The following SCARB2 variants were observed in gnomAD, a reference collection of about 807,000 sequenced individuals.
SCARB2 encodes the protein lysosome membrane protein 2.
A neutral mutation model predicts 58.6 loss-of-function variants in SCARB2; 29 were observed. That is an observed-to-expected ratio of 0.49 (90% CI 0.37 to 0.67). The LOEUF is 0.67. SCARB2 is among the 30% of genes least tolerant of loss of function. The pLI, the probability that SCARB2 is intolerant of heterozygous loss-of-function variation, is 0.00. For missense variants in SCARB2, 488 were observed against 578.5 expected (o/e 0.84, Z 1.60); for synonymous variants, 195 against 210.1 (o/e 0.93, Z 0.62).
At chr4:76,199,489 T>C (rs1732784682) in intron 1 of SCARB2, among the ~76,000 whole-genome samples, 1 of 152,240 alleles carries the variant, frequency 6.6e-6, no homozygotes, top group Admixed American at 6.5e-5. Context: ...CAAGAAAAAG[T>C]GCATCAGAGA....
rs899699170 is a variant in SCARB2 at position 76,175,920 on chromosome 4, A to G, written c.705-10T>C. 5 of 1,613,294 alleles carry G rather than the reference A, an allele frequency of 3.1e-6. No individual in the cohort carries two copies. The African/African-American group carries it at 5.3e-5, about 17-fold the overall frequency. On this transcript the variant is annotated splice_polypyrimidine_tract_variant and intron_variant, in intron 5 of 11. Transcript: ENST00000264896. ...CCACCAGTCAAGTGACCTATAATTGATAAGCACAAGAAAGAGTAAAGATGA... is the reference window on the plus strand; with the variant it reads ...CCACCAGTCAAGTGACCTATAATTGGTAAGCACAAGAAAGAGTAAAGATGA...
intron 1 of SCARB2, 70 bp downstream of exon 1, chr4:76,213,357 G>C: frequency 2.9e-6 from 3 of 1,048,984 alleles, no homozygotes; most frequent in South Asian, 1.3e-5. Context: ...TCCCATACAA[G>C]ATGTAGCAGC....
rs552500655 is a variant in SCARB2, at chr4:76,175,573, C to G, written c.824+218G>C. ...GTTAAGTAATTTGCCCAAGGTCACA[C>G]AGCTATAAGTGGTAGAGCCAAGATT... is the stretch of plus-strand genomic sequence containing the variant. On this transcript the variant is annotated intron_variant, in intron 6 of 11. Coordinates refer to ENST00000264896, the MANE Select transcript of SCARB2 (RefSeq NM_005506.4). 1.7e-4 allele frequency: 99 copies of G among 580,258 alleles called. No homozygotes were observed. In the African/African-American group the frequency reaches 1.8e-3, roughly 10 times the overall value. 35.9% of individuals were successfully genotyped at this position (580,258 alleles called of 1,614,324 possible).
Position 76,161,680 on chromosome 4 carries a change from T to A in SCARB2, c.*33A>T. ...ACGTCATCGTCCAGGTCAGGACAGC[T>A]CACACAGTTTCTTCACCAAGCAAAG... On this transcript the variant is annotated 3_prime_UTR_variant, in exon 12 of 12. Coordinates refer to ENST00000264896, the MANE Select transcript of SCARB2 (RefSeq NM_005506.4). 1.2e-6 allele frequency: 2 copies of A among 1,612,840 alleles called. No homozygotes were observed. Among genetic ancestry groups the A allele is most frequent in the Non-Finnish European group, 1.7e-6 (2 of 1,178,838 alleles).
chr4:76,231,892 T>C (rs1390774549), intron 1 of SCARB2, among the ~76,000 whole-genome samples: 1 of 152,224 alleles, frequency 6.6e-6, no homozygotes. Context: ...TGGGATTTTA[T>C]TGGCGCTGCA....
intron 1 of SCARB2, among the ~76,000 whole-genome samples, chr4:76,212,715 G>T (rs1365544287): frequency 6.6e-6 from 1 of 152,164 alleles, no homozygotes. Flanking sequence ...CTTCTTAAAG[G>T]ACTGGCTCTC....
intron 1 of SCARB2, among the ~76,000 whole-genome samples, chr4:76,211,854 T>C (rs1733054026): frequency 6.6e-6 from 1 of 152,232 alleles, no homozygotes; most frequent in African/African-American, 2.4e-5. Flanking sequence ...TTAGCTGGGA[T>C]TGAGCAGCTC....
rs1366282692 is a variant in SCARB2 at position 76,160,352 on chromosome 4, T to G, written c.*1361A>C. ...AGGCTTCTCAATTCAAAATGAATGCTGAACTTTGAGAATCAAAGAAAATGC... is the reference window on the plus strand; with the variant it reads ...AGGCTTCTCAATTCAAAATGAATGCGGAACTTTGAGAATCAAAGAAAATGC... On this transcript the variant is annotated 3_prime_UTR_variant, in exon 12 of 12. Transcript: ENST00000264896. The G allele has an allele frequency of 6.6e-6, 1 of 152,216 alleles. No individual in the cohort carries two copies. The highest frequency in any genetic ancestry group is 1.5e-5 in the Non-Finnish European group (1 of 68,034). 9.4% of individuals were successfully genotyped at this position (152,216 alleles called of 1,614,324 possible). A position where few individuals can be genotyped will look rare whatever the true frequency, so the allele number is the denominator to read the frequency against.
chr4:76,233,919 T>C (rs934264891), intron 1 of SCARB2, among the ~76,000 whole-genome samples: 2 of 152,218 alleles, frequency 1.3e-5, no homozygotes, highest in African/African-American at 4.8e-5. Flanking sequence ...TAAAAGTTAC[T>C]ACTGATGGGG....
chr4:76,165,992 G>A (rs753084593), intron 10 of SCARB2: 14 of 571,048 alleles, frequency 2.5e-5, no homozygotes, highest in South Asian at 6.2e-5. Flanking sequence ...TGTTTCCTAC[G>A]TGAGCAGCTC....
upstream of SCARB2, chr4:76,217,649 C>T (rs1223177519): frequency 4.6e-6 from 3 of 653,852 alleles, no homozygotes; most frequent in African/African-American, 3.6e-5. Context: ...GCCTGCAGAA[C>T]CATGAGCCAA....
intron 1 of SCARB2, among the ~76,000 whole-genome samples, chr4:76,198,223 C>A (rs1732754255): frequency 6.6e-6 from 1 of 152,318 alleles, no homozygotes; most frequent in East Asian, 1.9e-4. Context: ...GACTTGAGAT[C>A]TCATTTATTT....
At chr4:76,162,174 G>A (rs998561749) in intron 11 of SCARB2, 4 of 200,626 alleles carry the variant, frequency 2.0e-5, no homozygotes, top group Non-Finnish European at 3.1e-5. Flanking sequence ...TTGTGCTTAA[G>A]ACAATTTCAA....
intron 1 of SCARB2, among the ~76,000 whole-genome samples, chr4:76,224,483 A>C (rs995486345): frequency 6.6e-6 from 1 of 152,222 alleles, no homozygotes; most frequent in African/African-American, 2.4e-5. Context: ...AGGTGGCAGG[A>C]GACTTTTTTA....
chr4:76,178,495 G>A, intron 4 of SCARB2, among the ~76,000 whole-genome samples: 1 of 152,192 alleles, frequency 6.6e-6, no homozygotes, highest in Admixed American at 6.5e-5. Flanking sequence ...CTGATGGATT[G>A]AAGCCACTGG....
intron 1 of SCARB2, among the ~76,000 whole-genome samples, chr4:76,198,818 G>T (rs550272968): frequency 6.6e-6 from 1 of 150,956 alleles, no homozygotes; most frequent in South Asian, 2.1e-4. Context: ...TCCCAGAGTA[G>T]ATCACGTGCT....
chr4:76,209,335 T>G (rs1732993103), intron 1 of SCARB2, among the ~76,000 whole-genome samples: 1 of 152,224 alleles, frequency 6.6e-6, no homozygotes, highest in South Asian at 2.1e-4. Context: ...AGCAATCTGG[T>G]TATCAGTGAT....
intron 4 of SCARB2, 67 bp from the exon 5 acceptor site, chr4:76,176,595 T>C (rs781510160): frequency 1.9e-5 from 21 of 1,117,734 alleles, no homozygotes; most frequent in Middle Eastern, 2.0e-4. Flanking sequence ...GGCTAGACTA[T>C]GGTGCCCAGT....
intron 1 of SCARB2, among the ~76,000 whole-genome samples, chr4:76,209,053 T>A (rs1321478186): frequency 1.3e-5 from 2 of 152,238 alleles, no homozygotes; most frequent in Non-Finnish European, 2.9e-5. Flanking sequence ...CCTCTCCATT[T>A]GACTTTAGAT....
Sources: allele counts gnomAD v4.1 joint callset (sites outside exome capture counted in the v4.1 genomes callset), GRCh38; gene constraint gnomAD v4.1.1; transcripts MANE v1.5; gene names NCBI Gene and HGNC (gene_info 2026-07-23, HGNC 2026-07-21).